Variants in CUBN observed in about 807,000 individuals in gnomAD.
CUBN encodes 460 kDa receptor.
A neutral mutation model predicts 405.3 loss-of-function variants in CUBN; 282 were observed. The ratio of observed to expected loss-of-function variants is 0.70; its 90% CI spans 0.63 to 0.77. The LOEUF (loss-of-function observed/expected upper bound fraction) is 0.77. Ranked by LOEUF, CUBN falls within the 30% of genes least tolerant of loss-of-function variation. The pLI is 0.00. For synonymous variants in CUBN, 1,684 were observed against 1,617.0 expected (o/e 1.04, Z -0.99); for missense variants, 4,514 against 4,475.2 (o/e 1.01, Z -0.25).
intron 31 of CUBN, among the ~76,000 whole-genome samples, chr10:16,956,645 G>T (rs1355601536): frequency 5.3e-5 from 8 of 152,012 alleles, no homozygotes; most frequent in Non-Finnish European, 1.2e-4. Context: ...TCCTAAGCTT[G>T]TAGTAATATT....
chr10:17,114,926 A>T (rs74228770), intron 7 of CUBN, among the ~76,000 whole-genome samples: 11,129 of 152,278 alleles, frequency 0.073, 534 homozygotes, highest in South Asian at 0.24. Context: ...TATCTCAGAG[A>T]GAGTCATGAC....
At position 16,940,248 on chromosome 10, in the gene CUBN, G is replaced by T. The variant is rs777975604; in HGVS notation, c.5343-11C>A. On this transcript the variant is annotated splice_polypyrimidine_tract_variant and intron_variant, in intron 36 of 66. Transcript: ENST00000377833. ...TCCAACTGGAAAGATCTGATTTGGG[G>T]AAAAAAATATTTAAAGGGATTAAAT... 1.9e-6 allele frequency: 3 copies of T among 1,609,918 alleles called. No homozygotes were observed. The highest frequency in any genetic ancestry group is 2.5e-6 in the Non-Finnish European group (3 of 1,176,712).
intron 22 of CUBN, among the ~76,000 whole-genome samples, chr10:17,056,766 A>C (rs2131832888): frequency 6.6e-6 from 1 of 152,298 alleles, no homozygotes; most frequent in Middle Eastern, 3.4e-3. Flanking sequence ...GGAAAAGAAA[A>C]GTTTAGCCAC....
chr10:17,122,856 A>G lies in CUBN; in HGVS notation c.532T>C (p.Ser178Pro), dbSNP rs1837077351. The G allele has an allele frequency of 6.2e-7, 1 of 1,613,824 alleles. No individual in the cohort carries two copies. Among genetic ancestry groups the G allele is most frequent in the South Asian group, 1.1e-5 (1 of 91,074 alleles). The change falls in exon 6 of 67, where the codon TCA (serine) becomes CCA (proline). Residue 178 changes from serine (S) to proline (P), a missense_variant. Ser to Pro is a moderately conservative substitution (Grantham distance 74, BLOSUM62 -1). Around this residue, in one of 5 missense-constraint regions of CUBN, gnomAD observed 1,448 missense variants for 1,388.0 expected, o/e 1.04. Transcript: ENST00000377833. ...SADVNECEIY[S>P]GTPLSCQNGG... ...TTCTGGCAGCTCAAGGGTGTTCCTG[A>G]GTAAATCTCACATTCGTTAACATCA... is the stretch of plus-strand genomic sequence containing the variant.
At chr10:16,949,196 T>C (rs1439751627) in intron 34 of CUBN, among the ~76,000 whole-genome samples, 2 of 152,218 alleles carry the variant, frequency 1.3e-5, no homozygotes, top group East Asian at 3.8e-4. Flanking sequence ...GCTTGTTAAA[T>C]AATATACCCT....
intron 8 of CUBN, among the ~76,000 whole-genome samples, chr10:17,111,618 T>C (rs1246760529): frequency 6.6e-6 from 1 of 152,200 alleles, no homozygotes; most frequent in Non-Finnish European, 1.5e-5. Flanking sequence ...TTTTTGTATA[T>C]ACATTAATTA....
chr10:16,831,686 A>C (rs1235039574), intron 64 of CUBN, among the ~76,000 whole-genome samples: 1 of 152,228 alleles, frequency 6.6e-6, no homozygotes. Flanking sequence ...CAGCTTTTTT[A>C]TACCGTAGTT....
At chr10:16,943,202 C>T (rs547949839) in intron 36 of CUBN, among the ~76,000 whole-genome samples, 53 of 152,290 alleles carry the variant, frequency 3.5e-4, no homozygotes, top group African/African-American at 1.3e-3. Context: ...CAGATACTAG[C>T]ATTGGTAGGT....
At chr10:17,031,814 T>C (rs1422246545) in intron 27 of CUBN, among the ~76,000 whole-genome samples, 1 of 152,240 alleles carries the variant, frequency 6.6e-6, no homozygotes, top group African/African-American at 2.4e-5. Flanking sequence ...AGAATCATCC[T>C]TGGCACCTGT....
chr10:17,100,427 A>T (rs910478119), intron 13 of CUBN, among the ~76,000 whole-genome samples, 188 bp from the exon 14 acceptor site: 25 of 152,198 alleles, frequency 1.6e-4, no homozygotes, highest in African/African-American at 6.0e-4. Context: ...GTTAAAAACA[A>T]ACTTCAACTA....
chr10:16,960,258 G>A (rs765772831), intron 31 of CUBN, among the ~76,000 whole-genome samples: 6 of 152,196 alleles, frequency 3.9e-5, no homozygotes, highest in Non-Finnish European at 7.3e-5. Flanking sequence ...TTGGGAGACC[G>A]AGGCAGGTGG....
intron 31 of CUBN, among the ~76,000 whole-genome samples, chr10:16,973,359 A>G (rs1832994868): frequency 6.6e-6 from 1 of 152,176 alleles, no homozygotes. Flanking sequence ...CAATGATTCC[A>G]GAGCACTGAG....
chr10:16,972,113 CT>C (rs1832953614), intron 31 of CUBN, among the ~76,000 whole-genome samples: 1 of 152,152 alleles, frequency 6.6e-6, no homozygotes, highest in Admixed American at 6.5e-5. Context: ...CTACCACTCT[CT>C]TCTGGTTCTC....
chr10:16,902,424 T>A (rs1391172881), intron 51 of CUBN, among the ~76,000 whole-genome samples: 2 of 149,976 alleles, frequency 1.3e-5, no homozygotes, highest in Non-Finnish European at 3.0e-5. Context: ...GGTAAAAGTT[T>A]AGGAATAACA....
chr10:16,974,393 T>A (rs1053927539), intron 31 of CUBN, among the ~76,000 whole-genome samples: 11 of 152,132 alleles, frequency 7.2e-5, no homozygotes, highest in Non-Finnish European at 1.5e-4. Flanking sequence ...ATGTCTCTTC[T>A]GCCCACTGGC....
intron 27 of CUBN, chr10:17,023,500 C>T: frequency 2.6e-6 from 1 of 387,168 alleles, no homozygotes; most frequent in Non-Finnish European, 5.5e-6. Context: ...GCAAATTGAC[C>T]ACCCAAAACC....
intron 31 of CUBN, among the ~76,000 whole-genome samples, chr10:16,972,601 C>T (rs1184543136): frequency 2.6e-5 from 4 of 152,052 alleles, no homozygotes; most frequent in African/African-American, 4.8e-5. Flanking sequence ...CTTGGCCAGG[C>T]TAATTTTTTA....
chr10:16,912,781 G>T (rs903179452), intron 48 of CUBN, among the ~76,000 whole-genome samples: 1 of 152,082 alleles, frequency 6.6e-6, no homozygotes, highest in Non-Finnish European at 1.5e-5. Context: ...AAGAGGGAGG[G>T]GCAGCAGATA....
intron 31 of CUBN, among the ~76,000 whole-genome samples, chr10:16,971,468 T>C (rs1832932719): frequency 6.6e-6 from 1 of 152,224 alleles, no homozygotes; most frequent in African/African-American, 2.4e-5. Flanking sequence ...GGCAAATATA[T>C]AGCAGATCTC....
Sources: gnomAD v4.1 joint callset for allele counts (sites outside exome capture counted in the v4.1 genomes callset) on GRCh38, gnomAD v4.1.1 for gene constraint, gnomAD v4.1.1 regional missense constraint, MANE v1.5 for transcripts, NCBI Gene and HGNC (gene_info 2026-07-23, HGNC 2026-07-21) for gene names.